The following COA1 variants were observed in gnomAD, a reference collection of about 807,000 sequenced individuals.
COA1 encodes the protein cytochrome c oxidase assembly factor 1 homolog.
In COA1, 13 loss-of-function variants were observed where a neutral mutation model predicts 16.0. That is an observed-to-expected ratio of 0.81 (90% CI 0.53 to 1.29). The LOEUF (loss-of-function observed/expected upper bound fraction) is 1.29, where lower values mean the gene tolerates loss of function less well. Among genes scored for constraint, COA1 ranks in the 50% most tolerant of loss-of-function variants. COA1 has a pLI of 0.00. For synonymous variants in COA1, 65 were observed against 65.7 expected (o/e 0.99, Z 0.05); for missense variants, 179 against 177.0 (o/e 1.01, Z -0.06).
intron 6 of COA1, among the ~76,000 whole-genome samples, chr7:43,621,698 T>C (rs2083908771): frequency 6.6e-6 from 1 of 152,188 alleles, no homozygotes. Flanking sequence ...TGATTTGTTT[T>C]AGAGCTTTCT....
intron 1 of COA1, chr7:43,711,311 G>A (rs1261707082): frequency 6.6e-6 from 1 of 151,734 alleles, no homozygotes; most frequent in Non-Finnish European, 1.5e-5. Context: ...TTTATTATGT[G>A]CTCATCATAC....
intron 1 of COA1, among the ~76,000 whole-genome samples, chr7:43,691,282 AAAGAAAGAAAGAAAG>A (rs1563381589): frequency 0.013 from 628 of 47,306 alleles, 37 homozygotes; most frequent in African/African-American, 0.04. Flanking sequence ...AGAAAGAAAG[AAAGAAAGAAAGAAAG>A]AAAGAAAGAA....
chr7:43,663,470 C>T (rs1275482272), intron 1 of COA1, among the ~76,000 whole-genome samples: 2 of 151,910 alleles, frequency 1.3e-5, no homozygotes, highest in African/African-American at 2.4e-5. Flanking sequence ...TTGATATCTG[C>T]GATAACTCTG....
At chr7:43,720,006 T>C (rs139686053) in intron 1 of COA1, among the ~76,000 whole-genome samples, 2 of 152,128 alleles carry the variant, frequency 1.3e-5, no homozygotes, top group Non-Finnish European at 2.9e-5. Context: ...AGGCCAGGCA[T>C]GGTGGCTCAC....
At chr7:43,727,995 G>T (rs1222462194) in intron 1 of COA1, among the ~76,000 whole-genome samples, 3 of 139,098 alleles carry the variant, frequency 2.2e-5, no homozygotes, top group African/African-American at 7.9e-5. Context: ...TTTTTTTTGA[G>T]ATGGAGTCTA....
At chr7:43,612,912 C>T (rs1487307941) in intron 6 of COA1, among the ~76,000 whole-genome samples, 1 of 152,124 alleles carries the variant, frequency 6.6e-6, no homozygotes, top group African/African-American at 2.4e-5. Context: ...AGAGAAAACC[C>T]ATTCGTTTAA....
At chr7:43,680,608 A>G (rs2130382801) in intron 1 of COA1, among the ~76,000 whole-genome samples, 1 of 152,304 alleles carries the variant, frequency 6.6e-6, no homozygotes, top group African/African-American at 2.4e-5. Flanking sequence ...TGAGACAGAC[A>G]GAGATTTATT....
intron 1 of COA1, among the ~76,000 whole-genome samples, chr7:43,726,504 T>A (rs2132346228): frequency 6.6e-6 from 1 of 152,356 alleles, no homozygotes; most frequent in East Asian, 1.9e-4. Flanking sequence ...ATGGCTTAAA[T>A]CCCTACACAA....
downstream of COA1, among the ~76,000 whole-genome samples, chr7:43,636,443 A>C (rs1357428431): frequency 6.6e-6 from 1 of 152,176 alleles, no homozygotes; most frequent in African/African-American, 2.4e-5. Flanking sequence ...TGATTGGTAA[A>C]TATTTATTCA....
At chr7:43,617,988 G>T (rs901184001) in intron 6 of COA1, among the ~76,000 whole-genome samples, 1 of 152,138 alleles carries the variant, frequency 6.6e-6, no homozygotes, top group East Asian at 1.9e-4. Context: ...TAAGGGAGGG[G>T]TCCAGAAAAA....
intron 1 of COA1, among the ~76,000 whole-genome samples, chr7:43,728,463 C>T (rs1383557949): frequency 6.6e-6 from 1 of 152,100 alleles, no homozygotes; most frequent in Non-Finnish European, 1.5e-5. Flanking sequence ...CTTGAGTAAA[C>T]CATATAAAAC....
At chr7:43,647,374 T>C (rs765770867) in intron 3 of COA1, 161 bp downstream of exon 3, 15 of 639,968 alleles carry the variant, frequency 2.3e-5, no homozygotes, top group Non-Finnish European at 3.4e-5. Context: ...GATTACAGGA[T>C]ACAGAGGAAG....
chr7:43,704,223 T>A (rs1318436385), intron 1 of COA1, among the ~76,000 whole-genome samples: 3 of 152,230 alleles, frequency 2.0e-5, no homozygotes, highest in African/African-American at 7.2e-5. Flanking sequence ...CTGCACCTTC[T>A]ATATAGCTGC....
chr7:43,705,622 C>T (rs1372206271), intron 1 of COA1, among the ~76,000 whole-genome samples: 1 of 152,182 alleles, frequency 6.6e-6, no homozygotes, highest in Non-Finnish European at 1.5e-5. Flanking sequence ...CCAACAAAGG[C>T]TAGAGCTGCC....
At chr7:43,724,668 T>G (rs921356461) in intron 1 of COA1, among the ~76,000 whole-genome samples, 2 of 152,186 alleles carry the variant, frequency 1.3e-5, no homozygotes, top group Admixed American at 6.5e-5. Flanking sequence ...TATCGACTAA[T>G]GAATGGATAA....
chr7:43,697,899 T>C (rs2094579877), intron 1 of COA1, among the ~76,000 whole-genome samples: 1 of 152,196 alleles, frequency 6.6e-6, no homozygotes, highest in African/African-American at 2.4e-5. Context: ...CCAAGACTCA[T>C]GTGAGCATCT....
chr7:43,729,189 G>T (rs148626900), intron 1 of COA1, among the ~76,000 whole-genome samples: 46 of 152,352 alleles, frequency 3.0e-4, no homozygotes, highest in African/African-American at 1.1e-3. Context: ...ACAAGGTCAA[G>T]GTTAGCTCGA....
intron 6 of COA1, chr7:43,623,423 T>G: frequency 1.5e-6 from 1 of 649,324 alleles, no homozygotes; most frequent in South Asian, 1.8e-5. Flanking sequence ...GGCTTTATAT[T>G]AATTCATATT....
At position 43,619,712 on chromosome 7, in the gene COA1, C is replaced by T. The variant is rs1471496373; in HGVS notation, c.*134-10217G>A. 8.7e-6 allele frequency: 14 copies of T among 1,613,612 alleles called. No individual in the cohort carries two copies. The highest frequency in any genetic ancestry group is 2.2e-5 in the East Asian group (1 of 44,878). On this transcript the variant is annotated intron_variant and NMD_transcript_variant, in intron 6 of 6. Coordinates refer to the COA1 transcript ENST00000415076. Reference sequence around the variant, plus strand: ...GAGCTCCGAGAAATTATGGGTACCCCTGAATATGTGGGTAAGTATTCATAA... The same window carrying T: ...GAGCTCCGAGAAATTATGGGTACCCTTGAATATGTGGGTAAGTATTCATAA...
Sources: gnomAD v4.1 joint callset for allele counts (sites outside exome capture counted in the v4.1 genomes callset) on GRCh38, gnomAD v4.1.1 for gene constraint, MANE v1.5 for transcripts, NCBI Gene and HGNC (gene_info 2026-07-23, HGNC 2026-07-21) for gene names.